CFDP1: variants seen among roughly 807,000 people sequenced by gnomAD.
CFDP1 encodes the protein heterochromatin-stabilizing protein CFDP1.
A neutral mutation model predicts 40.1 loss-of-function variants in CFDP1; 31 were observed. That is an observed-to-expected ratio of 0.77 (90% CI 0.58 to 1.04). The LOEUF is 1.04. Among genes scored for constraint, CFDP1 ranks in the 50% least tolerant of loss-of-function variants. The probability of loss-of-function intolerance (pLI) is 0.00; values close to 1 mark genes in which losing one functional copy is unlikely to be tolerated. For synonymous variants in CFDP1, 167 were observed against 120.0 expected, an observed-to-expected ratio of 1.39 and a Z score of -2.56; for missense variants, 423 against 343.4, an observed-to-expected ratio of 1.23 and a Z score of -1.83.
At chr16:75,421,724 T>A (rs886510404) in intron 1 of CFDP1, among the ~76,000 whole-genome samples, 1 of 152,144 alleles carries the variant, frequency 6.6e-6, no homozygotes, top group Non-Finnish European at 1.5e-5. Flanking sequence ...CATTATCTGA[T>A]ACTAAAATCA....
At chr16:75,344,898 C>T (rs938431150) in intron 5 of CFDP1, among the ~76,000 whole-genome samples, 3 of 152,126 alleles carry the variant, frequency 2.0e-5, no homozygotes, top group African/African-American at 7.2e-5. Context: ...TGCCACTGCA[C>T]TCCAGCCTGG....
chr16:75,335,575 T>A (rs2078481563), intron 5 of CFDP1, among the ~76,000 whole-genome samples: 1 of 150,372 alleles, frequency 6.7e-6, no homozygotes, highest in South Asian at 2.1e-4. Context: ...TTTTTTTTTT[T>A]AGACGGAGTC....
At chr16:75,333,350 C>G (rs1450999515) in intron 5 of CFDP1, among the ~76,000 whole-genome samples, 1 of 150,974 alleles carries the variant, frequency 6.6e-6, no homozygotes, top group African/African-American at 2.4e-5. Context: ...GTCTCGATCT[C>G]CTCACCTCGT....
At chr16:75,395,063 A>G (rs373602756) in intron 5 of CFDP1, 27 bp downstream of exon 5, 4 of 1,613,104 alleles carry the variant, frequency 2.5e-6, no homozygotes, top group Admixed American at 3.3e-5. Flanking sequence ...TGCCAAGTAC[A>G]TCAGGGAGTG....
intron 4 of CFDP1, among the ~76,000 whole-genome samples, chr16:75,404,107 G>A (rs1241721774): frequency 6.6e-6 from 1 of 151,354 alleles, no homozygotes; most frequent in Non-Finnish European, 1.5e-5. Flanking sequence ...ACTCCAGCCT[G>A]GGCAACAGAG....
At chr16:75,406,977 C>T (rs911637045) in intron 4 of CFDP1, among the ~76,000 whole-genome samples, 1 of 152,148 alleles carries the variant, frequency 6.6e-6, no homozygotes, top group Admixed American at 6.5e-5. Context: ...GCTGAGATCA[C>T]GCCACTGTAC....
intron 5 of CFDP1, among the ~76,000 whole-genome samples, chr16:75,333,359 G>A (rs1024440793): frequency 2.0e-5 from 3 of 150,516 alleles, no homozygotes; most frequent in Non-Finnish European, 3.0e-5. Context: ...TCCTCACCTC[G>A]TGATCCGCCC....
chr16:75,296,465 G>A (rs1364504629), intron 6 of CFDP1, among the ~76,000 whole-genome samples: 8 of 111,668 alleles, frequency 7.2e-5, no homozygotes, highest in African/African-American at 1.9e-4. Flanking sequence ...TCGAACTCCT[G>A]GGCTCAAGCG....
At chr16:75,397,122 G>T (rs972004967) in intron 4 of CFDP1, among the ~76,000 whole-genome samples, 3 of 151,810 alleles carry the variant, frequency 2.0e-5, no homozygotes, top group Non-Finnish European at 4.4e-5. Context: ...CACCGTGTTA[G>T]CCAGGATGGT....
intron 1 of CFDP1, among the ~76,000 whole-genome samples, chr16:75,426,035 CAAAAAAAAAAAAA>C (rs71134711): frequency 5.8e-5 from 2 of 34,478 alleles, no homozygotes; most frequent in Admixed American, 5.1e-4. Context: ...CACTCTGTCT[CAAAAAAAAAAAAA>C]AAAAAAAAAA....
intron 5 of CFDP1, among the ~76,000 whole-genome samples, chr16:75,312,737 T>G (rs2151504813): frequency 6.6e-6 from 1 of 152,320 alleles, no homozygotes; most frequent in East Asian, 1.9e-4. Context: ...CTCAGCTGAC[T>G]GTCAGGGAGA....
intron 5 of CFDP1, among the ~76,000 whole-genome samples, chr16:75,364,007 G>A (rs1357936305): frequency 6.7e-6 from 1 of 149,946 alleles, no homozygotes; most frequent in African/African-American, 2.5e-5. Flanking sequence ...AAGTGCTACA[G>A]AAAAGAATTA....
At chr16:75,350,944 T>C (rs2078606299) in intron 5 of CFDP1, among the ~76,000 whole-genome samples, 1 of 152,110 alleles carries the variant, frequency 6.6e-6, no homozygotes, top group Non-Finnish European at 1.5e-5. Context: ...CAAGTGACTT[T>C]AGAACACAGA....
intron 5 of CFDP1, among the ~76,000 whole-genome samples, chr16:75,313,034 T>C (rs1056914804): frequency 1.3e-5 from 2 of 152,190 alleles, no homozygotes; most frequent in African/African-American, 4.8e-5. Context: ...AAAGCTAACA[T>C]TCTTCTCTGT....
At position 75,409,642 on chromosome 16, in the gene CFDP1, T is replaced by C. The variant is rs142030578; in HGVS notation, c.530+2183A>G. On this transcript the variant is annotated intron_variant, in intron 4 of 6. Coordinates refer to ENST00000283882, the MANE Select transcript of CFDP1 (RefSeq NM_006324.3). ...ATATGAGAGTTATATCGTGCTACAATGGAGAATGCCCTTGGTCGTAGGAGA... is the reference window on the plus strand; with the variant it reads ...ATATGAGAGTTATATCGTGCTACAACGGAGAATGCCCTTGGTCGTAGGAGA... 6.4e-3 allele frequency among the ~76,000 whole-genome samples: 981 copies of C among 152,248 alleles called. 8 individuals carry two copies. Among genetic ancestry groups the C allele is most frequent in the Middle Eastern group, 0.017 (5 of 294 alleles).
At chr16:75,390,822 C>T (rs2078942616) in intron 5 of CFDP1, among the ~76,000 whole-genome samples, 1 of 152,206 alleles carries the variant, frequency 6.6e-6, no homozygotes, top group African/African-American at 2.4e-5. Flanking sequence ...CCATTAACTG[C>T]TCCCACTCTT....
At chr16:75,349,810 T>C (rs780793031) in intron 5 of CFDP1, among the ~76,000 whole-genome samples, 1 of 149,714 alleles carries the variant, frequency 6.7e-6, no homozygotes, top group Non-Finnish European at 1.5e-5. Flanking sequence ...ATTTTCTCCA[T>C]ATTAGAGCAT....
intron 5 of CFDP1, among the ~76,000 whole-genome samples, chr16:75,316,748 T>C (rs1011191665): frequency 3.3e-5 from 5 of 152,086 alleles, no homozygotes; most frequent in African/African-American, 1.2e-4. Flanking sequence ...GGCGGGCGGA[T>C]CACCTGAGGT....
At chr16:75,344,814 C>T (rs1429523293) in intron 5 of CFDP1, among the ~76,000 whole-genome samples, 1 of 151,944 alleles carries the variant, frequency 6.6e-6, no homozygotes, top group Non-Finnish European at 1.5e-5. Flanking sequence ...TGCCTGTAGT[C>T]CCAGCTACTT....
Sources: allele counts gnomAD v4.1 joint callset (sites outside exome capture counted in the v4.1 genomes callset), GRCh38; gene constraint gnomAD v4.1.1; transcripts MANE v1.5; gene names NCBI Gene and HGNC (gene_info 2026-07-23, HGNC 2026-07-21).